The following KIF26B variants were observed in gnomAD, a reference collection of about 807,000 sequenced individuals.
KIF26B encodes kinesin family member 26B.
A neutral mutation model predicts 151.2 loss-of-function variants in KIF26B; 63 were observed. The observed-to-expected ratio is 0.42, with a 90% CI of 0.34 to 0.51. The LOEUF is 0.51. Among genes scored for constraint, KIF26B ranks in the 20% least tolerant of loss-of-function variants. The pLI is 0.07. For synonymous variants in KIF26B, 1,357 were observed against 1,262.1 expected (o/e 1.08, Z -1.59); for missense variants, 2,813 against 2,913.6 (o/e 0.97, Z 0.79).
chr1:245,257,672 C>T (rs1234382768), intron 2 of KIF26B, among the ~76,000 whole-genome samples: 1 of 152,140 alleles, frequency 6.6e-6, no homozygotes, highest in African/African-American at 2.4e-5. Context: ...TGTCTAGAAG[C>T]ATCACAGTGG....
intron 4 of KIF26B, among the ~76,000 whole-genome samples, chr1:245,441,889 T>A (rs1301514463): frequency 1.3e-5 from 2 of 152,220 alleles, no homozygotes; most frequent in African/African-American, 4.8e-5. Context: ...ATCTGCTTCC[T>A]GTCCCTGGAA....
At position 245,411,624 on chromosome 1, in the gene KIF26B, G is replaced by C. The variant is rs138637217; in HGVS notation, c.1000-7955G>C. On this transcript the variant is annotated intron_variant, in intron 3 of 14. Coordinates refer to ENST00000407071, the MANE Select transcript of KIF26B (RefSeq NM_018012.4). ...GAGTCCTCTGTAGCTGCTTGTCCTT[G>C]ACCTGGAAGGAAGGGTCTGGTGGGG... Among the ~76,000 whole-genome samples, 262 of 152,282 alleles carry C rather than the reference G, an allele frequency of 1.7e-3. 1 individual carries two copies. The highest frequency in any genetic ancestry group is 3.4e-3 in the Middle Eastern group (1 of 294).
intron 10 of KIF26B, among the ~76,000 whole-genome samples, chr1:245,647,333 G>A (rs2043961356): frequency 1.4e-5 from 2 of 144,418 alleles, no homozygotes; most frequent in African/African-American, 2.6e-5. Context: ...GCTGAGGCAG[G>A]AGAATGGCAT....
intron 4 of KIF26B, among the ~76,000 whole-genome samples, chr1:245,477,024 G>A (rs1306471171): frequency 6.6e-6 from 1 of 151,802 alleles, no homozygotes; most frequent in Non-Finnish European, 1.5e-5. Flanking sequence ...GTCTGAAACA[G>A]GTGTGGGAGA....
intron 2 of KIF26B, among the ~76,000 whole-genome samples, chr1:245,173,567 G>A (rs1024754243): frequency 2.0e-5 from 3 of 152,116 alleles, no homozygotes; most frequent in African/African-American, 7.2e-5. Context: ...CCACTTTACG[G>A]GTAAAGAAGC....
chr1:245,612,801 T>G lies in KIF26B; in HGVS notation c.2098+825T>G, dbSNP rs147367232. Among the ~76,000 whole-genome samples, 4 of 152,310 alleles carry G rather than the reference T, an allele frequency of 2.6e-5. No individual in the cohort carries two copies. In the East Asian group the frequency reaches 7.7e-4, roughly 29 times the overall value. On this transcript the variant is annotated intron_variant, in intron 9 of 14. Coordinates refer to ENST00000407071, the MANE Select transcript of KIF26B (RefSeq NM_018012.4). The stretch of plus-strand genomic sequence containing the variant: ...CCTCAAATCGTCAGTGAAGGTTTAC[T>G]GTCAAAACCCAGGTACGGTGCCTGC...
At chr1:245,666,363 C>T (rs77843576) in intron 10 of KIF26B, among the ~76,000 whole-genome samples, 2,085 of 152,206 alleles carry the variant, frequency 0.014, 57 homozygotes, top group African/African-American at 0.048. Flanking sequence ...GTAATAACTA[C>T]TTGTATTTTG....
intron 2 of KIF26B, among the ~76,000 whole-genome samples, chr1:245,189,653 C>T (rs748661860): frequency 3.3e-5 from 5 of 152,142 alleles, no homozygotes; most frequent in Non-Finnish European, 7.4e-5. Flanking sequence ...TGTGTGATCC[C>T]CCAGAAGTTA....
At chr1:245,422,882 A>T (rs1768104) in intron 4 of KIF26B, among the ~76,000 whole-genome samples, 18,977 of 152,034 alleles carry the variant, frequency 0.12, 1,521 homozygotes, top group African/African-American at 0.22. Context: ...GTGGATCACT[A>T]GAGACCAGGA....
chr1:245,387,063 T>C (rs1224508916), intron 3 of KIF26B, among the ~76,000 whole-genome samples: 1 of 152,226 alleles, frequency 6.6e-6, no homozygotes, highest in Non-Finnish European at 1.5e-5. Context: ...TTAGATGAAC[T>C]GTTTATAGGA....
At position 245,239,798 on chromosome 1, in the gene KIF26B, G is replaced by A. The variant is rs1670179572; in HGVS notation, c.465+83115G>A. Among the ~76,000 whole-genome samples the A allele has an allele frequency of 6.6e-6, 1 of 152,092 alleles. No homozygotes were observed. The highest frequency in any genetic ancestry group is 2.4e-5 in the African/African-American group (1 of 41,410). On this transcript the variant is annotated intron_variant, in intron 2 of 14. Transcript: ENST00000407071. The surrounding 1 kb of genome is among the most constrained non-coding windows in gnomAD (Gnocchi z 4.3). ...GGCATGAGCCATTGTGTCCTGACCA[G>A]TAAAATGATTTTCTGAATGTTTTAG...
At chr1:245,484,764 T>A (rs892451643) in intron 4 of KIF26B, among the ~76,000 whole-genome samples, 8 of 143,278 alleles carry the variant, frequency 5.6e-5, no homozygotes, top group African/African-American at 1.3e-4. Context: ...CTTCTTCTTC[T>A]TCATATTATT....
At chr1:245,337,160 T>TTATTTATTTATTTATC (rs1672250770) in intron 2 of KIF26B, among the ~76,000 whole-genome samples, 4 of 148,226 alleles carry the variant, frequency 2.7e-5, no homozygotes, top group Non-Finnish European at 6.0e-5. Context: ...ATTTATTTAT[T>TTATTTATTTATTTATC]TATTTATTTA....
chr1:245,207,399 C>T (rs137911035), intron 2 of KIF26B, among the ~76,000 whole-genome samples: 7 of 152,264 alleles, frequency 4.6e-5, no homozygotes, highest in African/African-American at 1.4e-4. Flanking sequence ...AAACTGAACC[C>T]GATTGGCTAA....
intron 2 of KIF26B, among the ~76,000 whole-genome samples, chr1:245,199,803 TCATC>T (rs1669265617): frequency 7.7e-6 from 1 of 129,206 alleles, no homozygotes. Context: ...ACATATCTAC[TCATC>T]CATCTGTCCA....
intron 2 of KIF26B, among the ~76,000 whole-genome samples, chr1:245,203,195 C>T (rs988180193): frequency 5.5e-4 from 75 of 136,890 alleles, no homozygotes; most frequent in African/African-American, 1.9e-3. Flanking sequence ...TTCAGTGAGC[C>T]GAGACTGTGT....
intron 2 of KIF26B, among the ~76,000 whole-genome samples, chr1:245,184,306 T>C (rs1300925629): frequency 6.6e-6 from 1 of 151,962 alleles, no homozygotes; most frequent in African/African-American, 2.4e-5. Flanking sequence ...CTTTGTAACA[T>C]GAGCTCCAGG....
chr1:245,596,150 C>A (rs946874286), intron 5 of KIF26B, among the ~76,000 whole-genome samples: 18 of 152,088 alleles, frequency 1.2e-4, no homozygotes, highest in Non-Finnish European at 8.8e-5. Flanking sequence ...TTTTGTGTCT[C>A]TATTTCCTTC....
chr1:245,576,374 G>A (rs1246323165), intron 5 of KIF26B, among the ~76,000 whole-genome samples: 2 of 152,160 alleles, frequency 1.3e-5, no homozygotes, highest in East Asian at 3.9e-4. Flanking sequence ...AGAACTCCCT[G>A]TAATCATATT....
Sources: allele counts gnomAD v4.1 joint callset (sites outside exome capture counted in the v4.1 genomes callset), GRCh38; gene constraint gnomAD v4.1.1; non-coding constraint Gnocchi (gnomAD v3.1); transcripts MANE v1.5; gene names NCBI Gene and HGNC (gene_info 2026-07-23, HGNC 2026-07-21).